DMRT1: variants seen among roughly 807,000 people sequenced by gnomAD.
DMRT1 encodes the protein doublesex- and mab-3-related transcription factor 1.
In DMRT1, 7 loss-of-function variants were observed where a neutral mutation model predicts 32.3. The ratio of observed to expected loss-of-function variants is 0.22; its 90% CI spans 0.12 to 0.41. The LOEUF (loss-of-function observed/expected upper bound fraction) is 0.41. Ranked by LOEUF, DMRT1 falls within the 10% of genes least tolerant of loss-of-function variation. The probability of loss-of-function intolerance (pLI) is 1.00; values close to 1 mark genes in which losing one functional copy is unlikely to be tolerated. For missense variants in DMRT1, 625 were observed against 500.5 expected, an observed-to-expected ratio of 1.25 and a Z score of -2.37; for synonymous variants, 278 against 206.1, an observed-to-expected ratio of 1.35 and a Z score of -2.99.
In DMRT1 at chr9:842,189, G is replaced by A. The variant is rs1315406904; in HGVS notation, c.351G>A (p.Ala117=). Residue 117 remains alanine (A), a synonymous_variant, in exon 1 of 5, where the codon GCG becomes GCA. Transcript: ENST00000382276. ...LIAERQRVMA[A]QVALRRQQAQ... ...CCGAGAGGCAGCGCGTGATGGCCGCGCAGGTGGGTGCGGGCGTGCGGGAGC... is the reference window on the plus strand; with the variant it reads ...CCGAGAGGCAGCGCGTGATGGCCGCACAGGTGGGTGCGGGCGTGCGGGAGC... 2.6e-6 allele frequency: 4 copies of A among 1,538,708 alleles called. No individual in the cohort carries two copies. The highest frequency in any genetic ancestry group is 3.5e-6 in the Non-Finnish European group (4 of 1,148,088).
chr9:896,446 T>G (rs771159824), intron 3 of DMRT1, among the ~76,000 whole-genome samples: 2 of 151,930 alleles, frequency 1.3e-5, no homozygotes, highest in Non-Finnish European at 1.5e-5. Context: ...TCCTCGCTAA[T>G]CCAACATCCC....
chr9:890,829 C>G (rs1166366882), intron 2 of DMRT1, among the ~76,000 whole-genome samples: 1 of 152,142 alleles, frequency 6.6e-6, no homozygotes, highest in African/African-American at 2.4e-5. Context: ...ATTCTCCTGC[C>G]TCATCCTCTG....
chr9:928,794 A>C (rs1364657327), intron 4 of DMRT1, among the ~76,000 whole-genome samples: 1 of 147,258 alleles, frequency 6.8e-6, no homozygotes, highest in Non-Finnish European at 1.5e-5. Flanking sequence ...TGAATATTTT[A>C]TTATACTAAA....
At position 918,928 on chromosome 9, in the gene DMRT1, A is replaced by G. The variant is rs1218119947; in HGVS notation, c.967+2021A>G. ...AGCGTGTTTGGAGGTCAGTAAGGAC[A>G]CCTCAAAGGTCATCTCATGGGACAC... is the stretch of plus-strand genomic sequence containing the variant. On this transcript the variant is annotated intron_variant, in intron 4 of 4. Transcript: ENST00000382276. Among the ~76,000 whole-genome samples the G allele has an allele frequency of 2.0e-5, 3 of 152,316 alleles. No individual in the cohort carries two copies. The East Asian group carries it at 5.8e-4, about 29-fold the overall frequency.
intron 3 of DMRT1, among the ~76,000 whole-genome samples, chr9:911,873 G>A (rs1347293370): frequency 6.6e-6 from 1 of 152,174 alleles, no homozygotes; most frequent in Non-Finnish European, 1.5e-5. Flanking sequence ...CTTCTTATGA[G>A]CAAGTTGTCA....
intron 2 of DMRT1, among the ~76,000 whole-genome samples, chr9:850,813 G>C (rs1839113432): frequency 6.6e-6 from 1 of 152,098 alleles, no homozygotes; most frequent in Non-Finnish European, 1.5e-5. Context: ...TGGATCACCT[G>C]AGGTCAGGAG....
chr9:905,849 G>A (rs10977412), intron 3 of DMRT1, among the ~76,000 whole-genome samples: 122,972 of 152,090 alleles, frequency 0.81, 50,657 homozygotes, highest in Middle Eastern at 0.92. Context: ...AGTACTGCAC[G>A]GCTGGAAACG....
intron 2 of DMRT1, among the ~76,000 whole-genome samples, chr9:867,678 C>G (rs1816049715): frequency 6.6e-6 from 1 of 152,138 alleles, no homozygotes; most frequent in South Asian, 2.1e-4. Flanking sequence ...ACCCACAGCC[C>G]ATGCTCATGC....
At chr9:863,635 C>T (rs755383) in intron 2 of DMRT1, among the ~76,000 whole-genome samples, 83,217 of 151,934 alleles carry the variant, frequency 0.55, 23,664 homozygotes, top group East Asian at 0.64. Flanking sequence ...GAAAGAAATG[C>T]AGCCCCACAG....
chr9:931,967 A>G (rs891119722), intron 4 of DMRT1, among the ~76,000 whole-genome samples: 1 of 152,098 alleles, frequency 6.6e-6, no homozygotes, highest in South Asian at 2.1e-4. Flanking sequence ...TACTGCCTCA[A>G]TTCTGGTCTT....
chr9:880,618 C>G (rs530729400), intron 2 of DMRT1, among the ~76,000 whole-genome samples: 1 of 149,590 alleles, frequency 6.7e-6, no homozygotes. Context: ...CCCAGCCATT[C>G]AGGAGGCTGA....
At chr9:891,671 C>T (rs528667779) in intron 2 of DMRT1, among the ~76,000 whole-genome samples, 5 of 150,784 alleles carry the variant, frequency 3.3e-5, no homozygotes, top group East Asian at 2.0e-4. Flanking sequence ...TACGCCACCA[C>T]GCCTGGCTAA....
intron 4 of DMRT1, among the ~76,000 whole-genome samples, chr9:951,131 T>C (rs182447398): frequency 5.9e-5 from 9 of 152,284 alleles, no homozygotes; most frequent in East Asian, 5.8e-4. Flanking sequence ...TGACAAATAA[T>C]TAAATCCTAG....
In DMRT1 at chr9:890,881, C is replaced by T. The variant is rs140658005; in HGVS notation, c.539-3031C>T. Among the ~76,000 whole-genome samples the T allele has an allele frequency of 6.9e-3, 1,044 of 151,824 alleles. 10 individuals carry two copies. Among genetic ancestry groups the T allele is most frequent in the African/African-American group, 0.022 (928 of 41,320 alleles). Reference sequence around the variant, plus strand: ...AGGTACGCACCACCATGCCGATGTCCGGCTAATTTTTTTTTGTATTTTTTT... The same window carrying T: ...AGGTACGCACCACCATGCCGATGTCTGGCTAATTTTTTTTTGTATTTTTTT... On this transcript the variant is annotated intron_variant, in intron 2 of 4. Transcript: ENST00000382276.
At chr9:845,389 G>A (rs138798327) in intron 1 of DMRT1, among the ~76,000 whole-genome samples, 1 of 150,954 alleles carries the variant, frequency 6.6e-6, no homozygotes, top group Non-Finnish European at 1.5e-5. Context: ...TGTATTTTTA[G>A]TAGAGATGGG....
intron 4 of DMRT1, among the ~76,000 whole-genome samples, chr9:937,444 T>C (rs530956417): frequency 2.6e-4 from 39 of 152,362 alleles, no homozygotes; most frequent in African/African-American, 9.1e-4. Context: ...AGTGTCAGCA[T>C]GATTTTACAT....
chr9:855,582 G>A (rs4742495), intron 2 of DMRT1, among the ~76,000 whole-genome samples: 64,494 of 152,044 alleles, frequency 0.42, 13,863 homozygotes, highest in East Asian at 0.59. Context: ...TTGATGTTCA[G>A]TGTACATTTT....
intron 3 of DMRT1, among the ~76,000 whole-genome samples, chr9:898,530 CTTG>C (rs1694334021): frequency 6.6e-6 from 1 of 152,180 alleles, no homozygotes; most frequent in African/African-American, 2.4e-5. Flanking sequence ...TGGACAATGC[CTTG>C]CCCCTCTTGG....
chr9:856,849 A>G (rs541898290), intron 2 of DMRT1, among the ~76,000 whole-genome samples: 2 of 152,338 alleles, frequency 1.3e-5, no homozygotes, highest in East Asian at 3.9e-4. Flanking sequence ...TTACATTCCT[A>G]CCGACAGTCT....
Sources: gnomAD v4.1 joint callset for allele counts (sites outside exome capture counted in the v4.1 genomes callset) on GRCh38, gnomAD v4.1.1 for gene constraint, MANE v1.5 for transcripts, NCBI Gene and HGNC (gene_info 2026-07-23, HGNC 2026-07-21) for gene names.